Variants in PLOD2 observed in about 807,000 individuals in gnomAD.
PLOD2 encodes the protein lysine hydroxylase 2.
PLOD2 carries 65 observed loss-of-function variants against 101.0 expected under a neutral mutation model. The observed-to-expected ratio is 0.64, with a 90% CI of 0.53 to 0.79. The LOEUF is 0.79. Among genes scored for constraint, PLOD2 ranks in the 30% least tolerant of loss-of-function variants. PLOD2 has a pLI of 0.00. For missense variants in PLOD2, 909 were observed against 914.6 expected, an observed-to-expected ratio of 0.99 and a Z score of 0.08; for synonymous variants, 314 against 302.9, an observed-to-expected ratio of 1.04 and a Z score of -0.38.
chr3:146,087,153 C>T (rs551497276), intron 9 of PLOD2, among the ~76,000 whole-genome samples: 1 of 151,920 alleles, frequency 6.6e-6, no homozygotes, highest in Non-Finnish European at 1.5e-5. Flanking sequence ...CTGTCAATAT[C>T]TACTGCTAGA....
intron 12 of PLOD2, among the ~76,000 whole-genome samples, chr3:146,081,294 C>CA (rs35821615): frequency 0.01 from 1,550 of 152,056 alleles, 34 homozygotes; most frequent in African/African-American, 0.035. Flanking sequence ...CTATTTCACA[C>CA]AAAAAAACTC....
chr3:146,098,168 T>C (rs186649020), intron 7 of PLOD2, among the ~76,000 whole-genome samples: 50 of 152,310 alleles, frequency 3.3e-4, no homozygotes, highest in African/African-American at 1.2e-3. Context: ...TGCATACCTA[T>C]GTACAACAAA....
At chr3:146,088,007 TACC>T (rs1553731261) in intron 9 of PLOD2, among the ~76,000 whole-genome samples, 11 of 151,736 alleles carry the variant, frequency 7.2e-5, no homozygotes, top group Non-Finnish European at 1.6e-4. Flanking sequence ...CAATGTTAAA[TACC>T]AGTGGTTTTA....
chr3:146,125,674 G>C (rs538103251), intron 1 of PLOD2, among the ~76,000 whole-genome samples: 1 of 152,178 alleles, frequency 6.6e-6, no homozygotes, highest in Middle Eastern at 3.4e-3. Flanking sequence ...TTGAACTCGG[G>C]GGGCGGAGAT....
intron 15 of PLOD2, chr3:146,073,773 TA>T (rs1448888607): frequency 6.6e-6 from 1 of 151,790 alleles, no homozygotes. Flanking sequence ...TATTTTAATA[TA>T]TACACAGAGT....
intron 11 of PLOD2, among the ~76,000 whole-genome samples, chr3:146,083,770 AT>A (rs1936658870): frequency 6.6e-6 from 1 of 151,626 alleles, no homozygotes; most frequent in Non-Finnish European, 1.5e-5. Flanking sequence ...TTTAGTAGAG[AT>A]GGCGTTTCAC....
chr3:146,146,101 C>T (rs1257443167), intron 1 of PLOD2, among the ~76,000 whole-genome samples: 1 of 152,058 alleles, frequency 6.6e-6, no homozygotes, highest in African/African-American at 2.4e-5. Flanking sequence ...TTCTTAAAAG[C>T]TGACAAAGTA....
At chr3:146,135,909 A>G (rs766091956) in intron 1 of PLOD2, among the ~76,000 whole-genome samples, 18 of 152,114 alleles carry the variant, frequency 1.2e-4, no homozygotes, top group Non-Finnish European at 2.4e-4. Context: ...AAAATTAAAT[A>G]TCAAAAAACT....
At chr3:146,091,689 T>C in intron 8 of PLOD2, 111 bp downstream of exon 8, 1 of 694,166 alleles carries the variant, frequency 1.4e-6, no homozygotes. Flanking sequence ...CCCCATTATC[T>C]ATCATAAAAT....
chr3:146,149,471 C>G (rs2031955239), intron 1 of PLOD2, among the ~76,000 whole-genome samples: 1 of 152,118 alleles, frequency 6.6e-6, no homozygotes. Flanking sequence ...CTTATCCACT[C>G]TGCCATAACC....
chr3:146,105,776 T>C (rs1435153521), intron 5 of PLOD2, among the ~76,000 whole-genome samples: 3 of 152,172 alleles, frequency 2.0e-5, no homozygotes, highest in Admixed American at 1.3e-4. Flanking sequence ...TCTCTACTGA[T>C]AAAGTGTGGA....
rs544020618 is a variant in PLOD2, at chr3:146,088,081, T to C, written c.1005+505A>G. Among the ~76,000 whole-genome samples the C allele has an allele frequency of 2.0e-5, 3 of 151,780 alleles. 1 individual carries two copies. The South Asian group carries it at 6.2e-4, about 31-fold the overall frequency. ...AATATTTTCAAGTTTGGATAATATGTAGGAGGTATGTAGGGGGCTCTGAAT... is the reference window on the plus strand; with the variant it reads ...AATATTTTCAAGTTTGGATAATATGCAGGAGGTATGTAGGGGGCTCTGAAT... On this transcript the variant is annotated intron_variant, in intron 9 of 19. Coordinates refer to ENST00000282903, the MANE Select transcript of PLOD2 (RefSeq NM_182943.3).
Position 146,106,380 on chromosome 3 carries a change from A to G in PLOD2, c.615+152T>C, listed in dbSNP as rs992878159. On this transcript the variant is annotated intron_variant, in intron 5 of 19. Transcript: ENST00000282903. Reference sequence around the variant, plus strand: ...CAGCCAGGTGACATAAACCAATCTCACCTATTAAAATATGTTTTCAACATT... The same window carrying G: ...CAGCCAGGTGACATAAACCAATCTCGCCTATTAAAATATGTTTTCAACATT... 9.3e-6 allele frequency: 6 copies of G among 648,088 alleles called. No individual in the cohort carries two copies. The Admixed American group carries it at 1.3e-4, about 15-fold the overall frequency. The allele number at this position is 648,088 out of a possible 1,614,324, so 40.1% of individuals were successfully genotyped here.
intron 9 of PLOD2, among the ~76,000 whole-genome samples, chr3:146,087,792 T>A (rs1310873720): frequency 6.6e-6 from 1 of 151,804 alleles, no homozygotes; most frequent in Admixed American, 6.6e-5. Flanking sequence ...AAAGTATATA[T>A]ATTACAACAT....
intron 1 of PLOD2, among the ~76,000 whole-genome samples, chr3:146,128,880 CTTTTTTTTT>C (rs3975816): frequency 3.8e-4 from 28 of 73,182 alleles, no homozygotes; most frequent in South Asian, 7.6e-4. Flanking sequence ...ATCTGAAATC[CTTTTTTTTT>C]TTTTTTTTTT....
intron 3 of PLOD2, among the ~76,000 whole-genome samples, chr3:146,114,031 T>A (rs965626905): frequency 1.3e-5 from 2 of 152,042 alleles, no homozygotes; most frequent in African/African-American, 4.8e-5. Context: ...AGGGATGAAA[T>A]AGCCCCAGTC....
chr3:146,108,005 G>A (rs10935601), intron 4 of PLOD2, among the ~76,000 whole-genome samples: 117,978 of 151,690 alleles, frequency 0.78, 45,943 homozygotes, highest in East Asian at 0.83. Context: ...CCAATTTTCT[G>A]TGATGAAAAA....
At chr3:146,071,530 A>T in intron 17 of PLOD2, 107 bp from the exon 18 acceptor site, 2 of 1,085,738 alleles carry the variant, frequency 1.8e-6, no homozygotes, top group Non-Finnish European at 2.8e-6. Context: ...TAAAAATAAC[A>T]GTTGTTCCAA....
intron 4 of PLOD2, among the ~76,000 whole-genome samples, chr3:146,107,218 C>A (rs1290582906): frequency 6.6e-6 from 1 of 152,206 alleles, no homozygotes; most frequent in Non-Finnish European, 1.5e-5. Context: ...ATTGTGCCTG[C>A]TAAACCATTT....
Sources: gnomAD v4.1 joint callset for allele counts (sites outside exome capture counted in the v4.1 genomes callset) on GRCh38, gnomAD v4.1.1 for gene constraint, MANE v1.5 for transcripts, NCBI Gene and HGNC (gene_info 2026-07-23, HGNC 2026-07-21) for gene names.